The following SLC35F4 variants were observed in gnomAD, a reference collection of about 807,000 sequenced individuals.
SLC35F4 encodes the protein solute carrier family 35 member F4.
SLC35F4 carries 24 observed loss-of-function variants against 44.2 expected under a neutral mutation model. That is an observed-to-expected ratio of 0.54 (90% CI 0.39 to 0.76). The LOEUF (loss-of-function observed/expected upper bound fraction) is 0.76. Ranked by LOEUF, SLC35F4 falls within the 30% of genes least tolerant of loss-of-function variation. The pLI is 0.00. For synonymous variants in SLC35F4, 238 were observed against 223.6 expected (o/e 1.06, Z -0.57); for missense variants, 562 against 586.1 (o/e 0.96, Z 0.42).
intron 1 of SLC35F4, among the ~76,000 whole-genome samples, chr14:57,857,013 C>A (rs565981155): frequency 6.6e-6 from 1 of 151,988 alleles, no homozygotes. Context: ...CGGTGGCTCA[C>A]GCCTGTAATC....
intron 1 of SLC35F4, among the ~76,000 whole-genome samples, chr14:57,937,702 C>T (rs1889840773): frequency 6.6e-6 from 1 of 151,888 alleles, no homozygotes; most frequent in Admixed American, 6.6e-5. Context: ...GGCTATTTCT[C>T]AGAAAGTTTG....
At chr14:57,677,476 G>A (rs1262980716) in intron 1 of SLC35F4, among the ~76,000 whole-genome samples, 2 of 152,012 alleles carry the variant, frequency 1.3e-5, no homozygotes, top group African/African-American at 2.4e-5. Context: ...GTATAGTAAT[G>A]TGTTAATGAT....
At chr14:57,772,536 C>T (rs1472119862) in intron 1 of SLC35F4, among the ~76,000 whole-genome samples, 1 of 152,126 alleles carries the variant, frequency 6.6e-6, no homozygotes, top group Non-Finnish European at 1.5e-5. Context: ...CACTTTTCTC[C>T]TTTTGGAGTC....
At chr14:57,918,838 G>C (rs1454872913) in intron 1 of SLC35F4, among the ~76,000 whole-genome samples, 1 of 152,166 alleles carries the variant, frequency 6.6e-6, no homozygotes, top group Non-Finnish European at 1.5e-5. Flanking sequence ...CGGGGCTGGA[G>C]TGAGTCAATT....
At chr14:57,946,477 T>C (rs1392253518) in intron 1 of SLC35F4, among the ~76,000 whole-genome samples, 2 of 139,308 alleles carry the variant, frequency 1.4e-5, no homozygotes, top group East Asian at 4.0e-4. Context: ...TTCTTTTTTT[T>C]TTTTTTTTTT....
At chr14:57,670,902 CTTTTT>C (rs35951590) in intron 1 of SLC35F4, among the ~76,000 whole-genome samples, 2 of 107,360 alleles carry the variant, frequency 1.9e-5, no homozygotes, top group Non-Finnish European at 3.6e-5. Flanking sequence ...CTCATTCATT[CTTTTT>C]TTTTTTTTTT....
At chr14:57,606,409 A>C (rs2071168489) in intron 1 of SLC35F4, among the ~76,000 whole-genome samples, 1 of 152,192 alleles carries the variant, frequency 6.6e-6, no homozygotes, top group Non-Finnish European at 1.5e-5. Flanking sequence ...GCTTGAAATA[A>C]TATCTTACTC....
At chr14:57,889,511 C>T (rs982248890) in intron 1 of SLC35F4, among the ~76,000 whole-genome samples, 1 of 152,228 alleles carries the variant, frequency 6.6e-6, no homozygotes, top group African/African-American at 2.4e-5. Flanking sequence ...GGCCCAGGGG[C>T]AGAACAGCTC....
chr14:57,882,088 A>G (rs1244402092), intron 1 of SLC35F4, among the ~76,000 whole-genome samples: 1 of 152,112 alleles, frequency 6.6e-6, no homozygotes, highest in Non-Finnish European at 1.5e-5. Context: ...TGCTGAGGAA[A>G]TGGGAGTGGT....
At chr14:57,596,699 T>C (rs374923106) in intron 1 of SLC35F4, 24 of 1,064,042 alleles carry the variant, frequency 2.3e-5, no homozygotes, top group Middle Eastern at 2.4e-4. Context: ...AAAAAGTTGG[T>C]AACTTGTGTG....
intron 1 of SLC35F4, among the ~76,000 whole-genome samples, chr14:57,701,196 T>C (rs1390527098): frequency 6.6e-6 from 1 of 151,368 alleles, no homozygotes; most frequent in Non-Finnish European, 1.5e-5. Flanking sequence ...ACACACACTT[T>C]AGTCTAGACC....
chr14:57,631,351 A>C lies in SLC35F4; in HGVS notation c.104-37227T>G, dbSNP rs527295850. Among the ~76,000 whole-genome samples, 27 of 152,252 alleles carry C rather than the reference A, an allele frequency of 1.8e-4. No homozygotes were observed. The South Asian group carries it at 5.6e-3, about 32-fold the overall frequency. On this transcript the variant is annotated intron_variant, in intron 1 of 7. Coordinates refer to ENST00000556826, the MANE Select transcript of SLC35F4 (RefSeq NM_001306087.2). ...AAAATAGAAAACATCACAAAAACTC[A>C]CCTTAAAATGGCAAAAATAATTTTA...
intron 1 of SLC35F4, among the ~76,000 whole-genome samples, chr14:57,643,127 A>G (rs545025633): frequency 3.0e-4 from 46 of 152,144 alleles, no homozygotes; most frequent in African/African-American, 9.9e-4. Flanking sequence ...ACCCACAAAC[A>G]AAAGTTTCAA....
intron 1 of SLC35F4, among the ~76,000 whole-genome samples, chr14:57,813,571 T>C (rs903909739): frequency 6.6e-6 from 1 of 152,106 alleles, no homozygotes; most frequent in Non-Finnish European, 1.5e-5. Context: ...TAAAAAAAAG[T>C]ATTTTAATAA....
rs564096854 is a variant in SLC35F4, at chr14:57,960,591, T to A, written n.282+21322A>T. ...ACAAACATAATCAATAGGCCTTGGATTGTGCTGCCAGCAACCTTAAACAGG... is the reference window on the plus strand; with the variant it reads ...ACAAACATAATCAATAGGCCTTGGAATGTGCTGCCAGCAACCTTAAACAGG... On this transcript the variant is annotated intron_variant and non_coding_transcript_variant, in intron 1 of 1. Coordinates refer to the SLC35F4 transcript ENST00000556568. Among the ~76,000 whole-genome samples the A allele has an allele frequency of 3.3e-5, 5 of 152,266 alleles. No individual in the cohort carries two copies. In the South Asian group the frequency reaches 1.0e-3, roughly 32 times the overall value.
chr14:57,971,818 G>T (rs1490150368), downstream of SLC35F4, among the ~76,000 whole-genome samples: 1 of 152,184 alleles, frequency 6.6e-6, no homozygotes, highest in Non-Finnish European at 1.5e-5. Flanking sequence ...TCTAATGTGA[G>T]CATGGTGACT....
At chr14:57,710,653 T>A (rs921671686) in intron 1 of SLC35F4, among the ~76,000 whole-genome samples, 1 of 152,166 alleles carries the variant, frequency 6.6e-6, no homozygotes, top group Non-Finnish European at 1.5e-5. Flanking sequence ...GGAGTCGACC[T>A]CTTGCACCAG....
intron 1 of SLC35F4, among the ~76,000 whole-genome samples, chr14:57,809,060 C>T (rs1881672934): frequency 1.3e-5 from 2 of 152,074 alleles, no homozygotes; most frequent in South Asian, 4.1e-4. Flanking sequence ...GATTTTTATT[C>T]CTCCTATGCA....
intron 1 of SLC35F4, among the ~76,000 whole-genome samples, chr14:57,750,567 C>A (rs2076860802): frequency 6.6e-6 from 1 of 152,136 alleles, no homozygotes; most frequent in Non-Finnish European, 1.5e-5. Flanking sequence ...TAGTAATAGC[C>A]ATTCTAACTG....
Sources: allele counts gnomAD v4.1 joint callset (sites outside exome capture counted in the v4.1 genomes callset), GRCh38; gene constraint gnomAD v4.1.1; transcripts MANE v1.5; gene names NCBI Gene and HGNC (gene_info 2026-07-23, HGNC 2026-07-21).